OR6N1: variants seen among roughly 807,000 people sequenced by gnomAD.
The protein encoded by OR6N1 is olfactory receptor 6N1.
For synonymous variants in OR6N1, 170 were observed against 150.7 expected, an observed-to-expected ratio of 1.13 and a Z score of -0.94; for missense variants, 394 against 371.7, an observed-to-expected ratio of 1.06 and a Z score of -0.49.
chr1:158,777,569 C>T, the OR6N1 span: 2 of 1,614,068 alleles, frequency 1.2e-6, no homozygotes, highest in Non-Finnish European at 1.7e-6. Flanking sequence ...CAGCCCCTGA[C>T]ATAGCCCACA....
chr1:158,775,467 T>C (rs1386596664), upstream of OR6N1: 1 of 152,196 alleles, frequency 6.6e-6, no homozygotes, highest in Non-Finnish European at 1.5e-5. Context: ...AAGAATTCCG[T>C]TTATAGCCTT....
the OR6N1 span, chr1:158,777,462 A>C: frequency 1.2e-6 from 2 of 1,614,234 alleles, no homozygotes; most frequent in Non-Finnish European, 1.7e-6. Context: ...AGTGGTACAT[A>C]GGTGTGTGCA....
At chr1:158,810,380 C>T in the OR6N1 span, among the ~76,000 whole-genome samples, 1 of 152,108 alleles carries the variant, frequency 6.6e-6, no homozygotes, top group Admixed American at 6.5e-5. Context: ...AAGATACTCC[C>T]CTACTTATAT....
the OR6N1 span, among the ~76,000 whole-genome samples, chr1:158,782,100 C>A: frequency 6.6e-6 from 1 of 152,168 alleles, no homozygotes; most frequent in African/African-American, 2.4e-5. Context: ...TAAAGTGTCA[C>A]CTGTTTTAAA....
At chr1:158,830,416 T>C in the OR6N1 span, among the ~76,000 whole-genome samples, 1 of 152,200 alleles carries the variant, frequency 6.6e-6, no homozygotes, top group Non-Finnish European at 1.5e-5. Context: ...AGCTTTATTC[T>C]TCTCTGTAGA....
chr1:158,787,862 T>C, the OR6N1 span, among the ~76,000 whole-genome samples: 1 of 152,152 alleles, frequency 6.6e-6, no homozygotes, highest in Non-Finnish European at 1.5e-5. Flanking sequence ...TTATTTAGAC[T>C]TAAATGCACT....
chr1:158,769,635 C>T, intron 1 of OR6N1, among the ~76,000 whole-genome samples: 1 of 152,172 alleles, frequency 6.6e-6, no homozygotes, highest in East Asian at 1.9e-4. Context: ...TCTTCCCTCT[C>T]CAGGATCCTG....
the OR6N1 span, among the ~76,000 whole-genome samples, chr1:158,820,277 T>A: frequency 1.3e-5 from 2 of 152,242 alleles, no homozygotes; most frequent in African/African-American, 2.4e-5. Context: ...CATGAGCATG[T>A]CACAGTGCTG....
the OR6N1 span, among the ~76,000 whole-genome samples, chr1:158,807,297 T>C: frequency 1.7e-4 from 26 of 152,366 alleles, no homozygotes; most frequent in South Asian, 5.2e-3. Context: ...TAACTATTTC[T>C]GGCATAGTAC....
the OR6N1 span, among the ~76,000 whole-genome samples, chr1:158,812,151 C>A: frequency 1.9e-4 from 29 of 152,200 alleles, no homozygotes; most frequent in Non-Finnish European, 3.2e-4. Flanking sequence ...CTGATACAGA[C>A]TTCCCCTGTG....
chr1:158,793,347 G>GT, the OR6N1 span, among the ~76,000 whole-genome samples: 1 of 151,902 alleles, frequency 6.6e-6, no homozygotes, highest in South Asian at 2.1e-4. Context: ...ATAGAAATCT[G>GT]TTTTTTTATA....
chr1:158,784,738 C>A, the OR6N1 span, among the ~76,000 whole-genome samples: 6 of 152,158 alleles, frequency 3.9e-5, 1 homozygote, highest in South Asian at 8.3e-4. Flanking sequence ...CATGTTGCCA[C>A]AAATAACAGG....
chr1:158,807,186 T>C, the OR6N1 span, among the ~76,000 whole-genome samples: 5 of 152,078 alleles, frequency 3.3e-5, no homozygotes, highest in African/African-American at 1.2e-4. Context: ...TTACTGCAAG[T>C]TCAATAATCT....
the OR6N1 span, among the ~76,000 whole-genome samples, chr1:158,794,402 C>T: frequency 2.6e-5 from 4 of 152,106 alleles, no homozygotes; most frequent in Non-Finnish European, 5.9e-5. Flanking sequence ...CAGTGTGATG[C>T]ACTCCCCCTT....
At chr1:158,768,770 C>A (rs1025199705) in intron 1 of OR6N1, among the ~76,000 whole-genome samples, 1 of 152,214 alleles carries the variant, frequency 6.6e-6, no homozygotes, top group Non-Finnish European at 1.5e-5. Flanking sequence ...CTACCTGGGC[C>A]ACCCTATATA....
At chr1:158,826,596 A>T in the OR6N1 span, among the ~76,000 whole-genome samples, 5 of 152,328 alleles carry the variant, frequency 3.3e-5, no homozygotes, top group South Asian at 1.0e-3. Flanking sequence ...AGAAAATTTT[A>T]ATGAAATGCA....
At chr1:158,783,518 A>G in the OR6N1 span, among the ~76,000 whole-genome samples, 2 of 152,144 alleles carry the variant, frequency 1.3e-5, no homozygotes, top group Non-Finnish European at 2.9e-5. Context: ...ACACCTGTTT[A>G]TCTTTCTGGT....
At chr1:158,828,131 C>T in the OR6N1 span, among the ~76,000 whole-genome samples, 2 of 152,130 alleles carry the variant, frequency 1.3e-5, no homozygotes, top group African/African-American at 4.8e-5. Context: ...GTGGGAGCTA[C>T]AAGATGAGAT....
At chr1:158,818,556 T>C in the OR6N1 span, among the ~76,000 whole-genome samples, 1 of 152,102 alleles carries the variant, frequency 6.6e-6, no homozygotes, top group Admixed American at 6.6e-5. Context: ...ATGAAAGAGC[T>C]TGATGAGCTC....
Sources: gnomAD v4.1 joint callset for allele counts (sites outside exome capture counted in the v4.1 genomes callset) on GRCh38, gnomAD v4.1.1 for gene constraint, MANE v1.5 for transcripts, NCBI Gene and HGNC (gene_info 2026-07-23, HGNC 2026-07-21) for gene names.